Variants in ANKS1B observed in about 807,000 individuals in gnomAD.
ANKS1B encodes the protein ankyrin repeat and sterile alpha motif domain-containing protein 1B.
Under a neutral mutation model 148.3 loss-of-function variants are expected in ANKS1B, and 36 were observed. The observed-to-expected ratio is 0.24, with a 90% CI of 0.19 to 0.32. The LOEUF (loss-of-function observed/expected upper bound fraction) is 0.32. Among genes scored for constraint, ANKS1B ranks in the 10% least tolerant of loss-of-function variants. ANKS1B has a pLI of 1.00. For synonymous variants in ANKS1B, 542 were observed against 560.8 expected, an observed-to-expected ratio of 0.97 and a Z score of 0.47; for missense variants, 1,157 against 1,542.6, an observed-to-expected ratio of 0.75 and a Z score of 4.19.
intron 14 of ANKS1B, among the ~76,000 whole-genome samples, chr12:99,204,175 T>G (rs997545708): frequency 6.6e-6 from 1 of 152,266 alleles, no homozygotes; most frequent in African/African-American, 2.4e-5. Context: ...AGAAGCAATA[T>G]GCCTTGGGCA....
chr12:99,444,580 T>C (rs1299879529), intron 10 of ANKS1B, among the ~76,000 whole-genome samples: 1 of 151,956 alleles, frequency 6.6e-6, no homozygotes, highest in Middle Eastern at 3.2e-3. Context: ...TTTAGAATGT[T>C]TAAAATACTT....
At chr12:99,179,758 G>C (rs1419381979) in intron 14 of ANKS1B, among the ~76,000 whole-genome samples, 1 of 152,160 alleles carries the variant, frequency 6.6e-6, no homozygotes, top group East Asian at 1.9e-4. Context: ...TAATAGGGTT[G>C]TTGACAGATT....
intron 25 of ANKS1B, among the ~76,000 whole-genome samples, chr12:98,755,084 T>A (rs2098199763): frequency 2.0e-5 from 3 of 151,844 alleles, no homozygotes; most frequent in African/African-American, 7.3e-5. Context: ...ACCTTCCAAG[T>A]GCTGTGTTGC....
At chr12:98,814,274 G>A (rs1378167617) in intron 19 of ANKS1B, among the ~76,000 whole-genome samples, 2 of 152,184 alleles carry the variant, frequency 1.3e-5, no homozygotes, top group Non-Finnish European at 2.9e-5. Context: ...CACGAGAGAG[G>A]AAACTTTTTC....
intron 12 of ANKS1B, among the ~76,000 whole-genome samples, chr12:99,294,430 G>C (rs1379083818): frequency 1.3e-5 from 2 of 152,176 alleles, no homozygotes; most frequent in South Asian, 4.1e-4. Context: ...GGTACAGAAA[G>C]ATTAACTTCA....
chr12:99,952,434 TTTC>T (rs774565636), intron 1 of ANKS1B, among the ~76,000 whole-genome samples: 1 of 152,218 alleles, frequency 6.6e-6, no homozygotes, highest in African/African-American at 2.4e-5. Flanking sequence ...TCCAAACTAC[TTTC>T]TTGTTATCTA....
chr12:98,939,434 A>G (rs1177418214), intron 17 of ANKS1B, among the ~76,000 whole-genome samples: 1 of 152,206 alleles, frequency 6.6e-6, no homozygotes, highest in East Asian at 1.9e-4. Context: ...ATAATGTGCC[A>G]TTGGCCATTG....
intron 17 of ANKS1B, among the ~76,000 whole-genome samples, chr12:98,950,930 C>T (rs2099853181): frequency 6.6e-6 from 1 of 152,118 alleles, no homozygotes; most frequent in Non-Finnish European, 1.5e-5. Flanking sequence ...CTGTGTGTTC[C>T]TTCTAATAGT....
intron 17 of ANKS1B, among the ~76,000 whole-genome samples, chr12:98,847,541 C>T (rs764560693): frequency 1.2e-4 from 18 of 152,092 alleles, no homozygotes; most frequent in Non-Finnish European, 2.1e-4. Flanking sequence ...TGTCTTAGGA[C>T]ATTGTGACTA....
At chr12:98,920,403 A>G (rs1264157925) in intron 17 of ANKS1B, among the ~76,000 whole-genome samples, 1 of 152,214 alleles carries the variant, frequency 6.6e-6, no homozygotes, top group African/African-American at 2.4e-5. Context: ...TGGGTAATTT[A>G]TACAGGAAAA....
At chr12:99,933,847 C>G (rs970832220) in intron 1 of ANKS1B, among the ~76,000 whole-genome samples, 1 of 151,970 alleles carries the variant, frequency 6.6e-6, no homozygotes, top group Non-Finnish European at 1.5e-5. Flanking sequence ...TCCATTTTTC[C>G]CCATTCAGTA....
At chr12:99,320,903 T>C (rs2085132084) in intron 12 of ANKS1B, among the ~76,000 whole-genome samples, 1 of 152,158 alleles carries the variant, frequency 6.6e-6, no homozygotes, top group Non-Finnish European at 1.5e-5. Flanking sequence ...TTCTGTTTGT[T>C]AGTTTTCCTT....
intron 9 of ANKS1B, among the ~76,000 whole-genome samples, chr12:99,569,163 A>G (rs1418372520): frequency 6.6e-6 from 1 of 152,242 alleles, no homozygotes; most frequent in Non-Finnish European, 1.5e-5. Context: ...AGTAAACATG[A>G]CTTGAAATTT....
At chr12:99,166,008 A>T (rs1380280666) in intron 14 of ANKS1B, among the ~76,000 whole-genome samples, 1 of 151,872 alleles carries the variant, frequency 6.6e-6, no homozygotes, top group African/African-American at 2.4e-5. Flanking sequence ...CATCAGATTA[A>T]CTAATAAAGA....
At chr12:99,691,102 G>A (rs1599777571) in intron 8 of ANKS1B, among the ~76,000 whole-genome samples, 1 of 152,222 alleles carries the variant, frequency 6.6e-6, no homozygotes, top group African/African-American at 2.4e-5. Context: ...GGACCAAGCT[G>A]TACCTTTGCC....
At chr12:98,931,597 C>G (rs2099813718) in intron 17 of ANKS1B, 1 of 152,090 alleles carries the variant, frequency 6.6e-6, no homozygotes, top group Admixed American at 6.6e-5. Context: ...ATATTGATGT[C>G]CTGTTACAAC....
At chr12:99,327,444 ATATAT>A (rs985101297) in intron 12 of ANKS1B, among the ~76,000 whole-genome samples, 21 of 135,102 alleles carry the variant, frequency 1.6e-4, no homozygotes, top group East Asian at 8.1e-4. Flanking sequence ...ATTATATATT[ATATAT>A]TATATTATAA....
intron 15 of ANKS1B, among the ~76,000 whole-genome samples, chr12:99,092,814 G>A (rs994714560): frequency 1.3e-5 from 2 of 152,160 alleles, no homozygotes; most frequent in African/African-American, 4.8e-5. Flanking sequence ...AAGATTACCA[G>A]CCATTACATT....
intron 12 of ANKS1B, among the ~76,000 whole-genome samples, chr12:99,393,086 G>T (rs1283866061): frequency 7.3e-6 from 1 of 137,284 alleles, no homozygotes; most frequent in Non-Finnish European, 1.5e-5. Flanking sequence ...TAGATCAATC[G>T]ATAGACAGAT....
Sources: gnomAD v4.1 joint callset for allele counts (sites outside exome capture counted in the v4.1 genomes callset) on GRCh38, gnomAD v4.1.1 for gene constraint, MANE v1.5 for transcripts, NCBI Gene and HGNC (gene_info 2026-07-23, HGNC 2026-07-21) for gene names.